The following BNIP5 variants were observed in gnomAD, a reference collection of about 807,000 sequenced individuals.
BNIP5 encodes the protein protein BNIP5.
In BNIP5, 61 loss-of-function variants were observed where a neutral mutation model predicts 67.3. That is an observed-to-expected ratio of 0.91 (90% CI 0.74 to 1.12). The LOEUF (loss-of-function observed/expected upper bound fraction) is 1.12. Among genes scored for constraint, BNIP5 ranks in the 50% most tolerant of loss-of-function variants. The pLI is 0.00. For missense variants in BNIP5, 826 were observed against 816.3 expected, an observed-to-expected ratio of 1.01 and a Z score of -0.14; for synonymous variants, 317 against 319.0, an observed-to-expected ratio of 0.99 and a Z score of 0.07.
chr6:36,332,672 A>G (rs1355340453), intron 1 of BNIP5, among the ~76,000 whole-genome samples: 2 of 152,078 alleles, frequency 1.3e-5, no homozygotes, highest in African/African-American at 4.8e-5. Flanking sequence ...TTCTCCATCC[A>G]GAATGAAGCA....
chr6:36,323,550 A>G lies in BNIP5; in HGVS notation c.1231-17T>C. ...TTGAGGTTGCTGTGGGGGAGATGAG[A>G]GAAACTGAGTCAGGGCCCCTGACCT... On this transcript the variant is annotated splice_polypyrimidine_tract_variant and intron_variant, in intron 7 of 11. Transcript: ENST00000437635. The G allele has an allele frequency of 1.2e-6, 2 of 1,613,566 alleles. No homozygotes were observed. Among genetic ancestry groups the G allele is most frequent in the Non-Finnish European group, 1.7e-6 (2 of 1,179,950 alleles).
chr6:36,328,193 T>C (rs930969073), intron 3 of BNIP5, among the ~76,000 whole-genome samples: 1 of 152,174 alleles, frequency 6.6e-6, no homozygotes, highest in Non-Finnish European at 1.5e-5. Flanking sequence ...AGCAACAAAA[T>C]GATACCCACA....
chr6:36,317,004 T>C lies in BNIP5; in HGVS notation c.*352A>G. On this transcript the variant is annotated 3_prime_UTR_variant, in exon 12 of 12. Coordinates refer to ENST00000437635, the MANE Select transcript of BNIP5 (RefSeq NM_001010903.5). The stretch of plus-strand genomic sequence containing the variant: ...CAGTTAACATGAACATCTGAGAAAA[T>C]ATCAGTAGGCCTTCTGGGTGGGATC... 1 of 430,546 alleles carries C rather than the reference T, an allele frequency of 2.3e-6. No individual in the cohort carries two copies. Among genetic ancestry groups the C allele is most frequent in the Non-Finnish European group, 4.1e-6 (1 of 245,486 alleles). The allele number at this position is 430,546 out of a possible 1,614,324, so 26.7% of individuals were successfully genotyped here. A position where few individuals can be genotyped will look rare whatever the true frequency, so the allele number is the denominator to read the frequency against.
At chr6:36,319,751 C>T in intron 10 of BNIP5, 141 bp from the exon 11 acceptor site, 1 of 932,098 alleles carries the variant, frequency 1.1e-6, no homozygotes, top group Non-Finnish European at 1.6e-6. Flanking sequence ...CCTCCACTGC[C>T]CCTAGCCTCT....
Position 36,330,397 on chromosome 6 carries a change from C to A in BNIP5, c.294G>T (p.Gly98=). Reference sequence around the variant, plus strand: ...AGAAGTTCAGCATGGTCTTCAGCCACCCCTTCTTGGTGTCTTGCGAAGGCC... The same window carrying A: ...AGAAGTTCAGCATGGTCTTCAGCCAACCCTTCTTGGTGTCTTGCGAAGGCC... ...EQRPSQDTKK[G]WLKTMLNFFV... The change falls in exon 2 of 12, where the codon GGG becomes GGT. Residue 98 remains glycine (G), a synonymous_variant. Coordinates refer to ENST00000437635, the MANE Select transcript of BNIP5 (RefSeq NM_001010903.5). 1 of 1,614,212 alleles carries A rather than the reference C, an allele frequency of 6.2e-7. No individual in the cohort carries two copies. The highest frequency in any genetic ancestry group is 1.1e-5 in the South Asian group (1 of 91,086).
intron 10 of BNIP5, 89 bp from the exon 11 acceptor site, chr6:36,319,699 G>A (rs1261194295): frequency 2.8e-5 from 41 of 1,478,328 alleles, no homozygotes; most frequent in Non-Finnish European, 3.6e-5. Context: ...GCAGCCAGGC[G>A]GGGCACTCCT....
In BNIP5 at chr6:36,330,668, C is replaced by T. The variant is rs749820013; in HGVS notation, c.23G>A (p.Arg8Lys). 6.3e-7 allele frequency: 1 copy of T among 1,586,080 alleles called. No individual in the cohort carries two copies. Among genetic ancestry groups the T allele is most frequent in the East Asian group, 2.2e-5 (1 of 44,692 alleles). The change falls in exon 2 of 12, where the codon AGG becomes AAG. Residue 8 changes from arginine (R) to lysine (K), a missense_variant. Transcript: ENST00000437635. ...GGCTTTCTTCTCCGCCAGGGGCCTC[C>T]TTGGGCACCTTGGATTCTCCATCGG... MENPRCP[R>K]RPLAEKKARS...
intron 2 of BNIP5, among the ~76,000 whole-genome samples, chr6:36,329,812 GAAAA>G (rs1771843426): frequency 2.1e-5 from 3 of 140,016 alleles, no homozygotes; most frequent in African/African-American, 8.0e-5. Flanking sequence ...ATCTCAAAAA[GAAAA>G]AAGAAAGAAA....
chr6:36,324,014 AAG>A, intron 7 of BNIP5, 113 bp downstream of exon 7: 1 of 795,708 alleles, frequency 1.3e-6, no homozygotes, highest in Non-Finnish European at 2.1e-6. Context: ...AAAAAAAAAA[AAG>A]GAGGGACTGG....
intron 9 of BNIP5, among the ~76,000 whole-genome samples, chr6:36,321,655 G>T (rs990143489): frequency 2.0e-5 from 3 of 152,200 alleles, no homozygotes; most frequent in African/African-American, 7.2e-5. Context: ...CTAAGCAGCG[G>T]TGTGCCAGGG....
At chr6:36,335,246 T>G (rs936216915) in intron 1 of BNIP5, among the ~76,000 whole-genome samples, 1 of 152,206 alleles carries the variant, frequency 6.6e-6, no homozygotes, top group Non-Finnish European at 1.5e-5. Flanking sequence ...GCCGCGTTAC[T>G]CTCTAACTGC....
intron 3 of BNIP5, 132 bp from the exon 4 acceptor site, chr6:36,327,226 G>T: frequency 1.3e-6 from 1 of 785,888 alleles, no homozygotes; most frequent in Non-Finnish European, 2.1e-6. Context: ...ACATCCCAGG[G>T]GCAGGTTCTT....
chr6:36,329,932 G>A (rs1332748993), intron 2 of BNIP5, 149 bp downstream of exon 2: 10 of 762,008 alleles, frequency 1.3e-5, no homozygotes, highest in Non-Finnish European at 1.9e-5. Context: ...AAGGGAGGGA[G>A]GAAGGGAGGG....
At chr6:36,331,361 T>C (rs1408848535) in intron 1 of BNIP5, among the ~76,000 whole-genome samples, 1 of 152,230 alleles carries the variant, frequency 6.6e-6, no homozygotes, top group Non-Finnish European at 1.5e-5. Flanking sequence ...CTATCGAGAC[T>C]GATGTGGGAC....
rs750659253 is a variant in BNIP5 at position 36,323,492 on chromosome 6, C to T, written c.1272G>A (p.Pro424=). Residue 424 remains proline, a synonymous_variant, in exon 8 of 12, where the codon CCG becomes CCA. Coordinates refer to ENST00000437635, the MANE Select transcript of BNIP5 (RefSeq NM_001010903.5). ...GAGATTTCCTTCTGCAGTGTGGGGC[C>T]GGGTTTTCTACACCCACCTCTTCCT... is the stretch of plus-strand genomic sequence containing the variant. The part of the protein sequence containing the change: ...VQQEEVGVEN[P]APHCRRKSQE... 35 of 1,614,022 alleles carry T rather than the reference C, an allele frequency of 2.2e-5. No homozygotes were observed. Among genetic ancestry groups the T allele is most frequent in the East Asian group, 6.7e-5 (3 of 44,896 alleles).
At chr6:36,323,017 T>A (rs1771670050) in intron 8 of BNIP5, among the ~76,000 whole-genome samples, 1 of 152,200 alleles carries the variant, frequency 6.6e-6, no homozygotes, top group South Asian at 2.1e-4. Flanking sequence ...GGATCTCCCA[T>A]CACATTTGTT....
rs12530054 is a variant in BNIP5 at position 36,336,728 on chromosome 6, C to T, written c.-21G>A. ...TCAACCAACCTTGGACCACAGAAAT[C>T]GCTTCTGTCCTGAACACCCTGGGCT... On this transcript the variant is annotated 5_prime_UTR_variant, in exon 1 of 12. Coordinates refer to ENST00000437635, the MANE Select transcript of BNIP5 (RefSeq NM_001010903.5). 28,665 of 152,090 alleles carry T rather than the reference C, an allele frequency of 0.19. 3,052 individuals carry two copies. Among genetic ancestry groups the T allele is most frequent in the East Asian group, 0.29 (1,518 of 5,160 alleles). 9.4% of individuals were successfully genotyped at this position (152,090 alleles called of 1,614,324 possible). A position where few individuals can be genotyped will look rare whatever the true frequency, so the allele number is the denominator to read the frequency against.
chr6:36,332,376 C>T (rs1327659396), intron 1 of BNIP5, among the ~76,000 whole-genome samples: 1 of 151,466 alleles, frequency 6.6e-6, no homozygotes, highest in Admixed American at 6.6e-5. Context: ...TCCCCTCCTA[C>T]CCTACGGCCT....
intron 2 of BNIP5, 116 bp from the exon 3 acceptor site, chr6:36,328,830 G>A: frequency 1.4e-6 from 1 of 735,926 alleles, no homozygotes; most frequent in South Asian, 1.6e-5. Context: ...CAGTGCAACA[G>A]GTGCTGCTGC....
Sources: allele counts gnomAD v4.1 joint callset (sites outside exome capture counted in the v4.1 genomes callset), GRCh38; gene constraint gnomAD v4.1.1; transcripts MANE v1.5; gene names NCBI Gene and HGNC (gene_info 2026-07-23, HGNC 2026-07-21).